The following ZSCAN4 variants were observed in gnomAD, a reference collection of about 807,000 sequenced individuals.
ZSCAN4 encodes zinc finger and SCAN domain containing 4.
In ZSCAN4, 18 loss-of-function variants were observed where a neutral mutation model predicts 18.3. The observed-to-expected ratio is 0.98, with a 90% CI of 0.68 to 1.46. The LOEUF (loss-of-function observed/expected upper bound fraction) is 1.46. Among genes scored for constraint, ZSCAN4 ranks in the 40% most tolerant of loss-of-function variants. The pLI is 0.00. For synonymous variants in ZSCAN4, 193 were observed against 180.3 expected (o/e 1.07, Z -0.57); for missense variants, 498 against 511.4 (o/e 0.97, Z 0.25).
exon 3 of ZSCAN4, chr19:57,676,375 A>G (rs1254662627): frequency 6.2e-7 from 1 of 1,614,228 alleles, no homozygotes; most frequent in Non-Finnish European, 8.5e-7. Flanking sequence ...CAACCAGAAA[A>G]GCACAGCAAG....
chr19:57,662,652 C>T, the ZSCAN4 span, among the ~76,000 whole-genome samples: 18 of 152,248 alleles, frequency 1.2e-4, 1 homozygote, highest in African/African-American at 4.3e-4. Context: ...GCCTCCTCCT[C>T]CTGGTTCAAG....
chr19:57,677,816 T>C, intron 3 of ZSCAN4, 98 bp from the exon 4 acceptor site: 1 of 1,152,766 alleles, frequency 8.7e-7, no homozygotes, highest in East Asian at 2.6e-5. Context: ...AGCCAATACT[T>C]GAGGGAGCTT....
Position 57,678,490 on chromosome 19 carries a change from C to T in ZSCAN4, c.887C>T (p.Ser296Phe), listed in dbSNP as rs557480976. ...ACCCACCAGAGCAATGAGGGAAATT[C>T]CACATGTGAGGTACATCAGAAAGGA... Residue 296 changes from serine to phenylalanine, a missense_variant, in exon 5 of 5, where the codon TCC becomes TTC. Transcript: ENST00000318203. 58 of 1,614,134 alleles carry T rather than the reference C, an allele frequency of 3.6e-5. 2 individuals are homozygous for T. In the South Asian group the frequency reaches 6.3e-4, roughly 17 times the overall value.
intron 3 of ZSCAN4, among the ~76,000 whole-genome samples, chr19:57,677,502 A>C (rs1348547070): frequency 6.6e-6 from 1 of 152,120 alleles, no homozygotes; most frequent in Non-Finnish European, 1.5e-5. Flanking sequence ...TAGTCTTCCT[A>C]AGTGCAGGAA....
chr19:57,662,521 T>C, the ZSCAN4 span, among the ~76,000 whole-genome samples: 1 of 152,174 alleles, frequency 6.6e-6, no homozygotes, highest in Non-Finnish European at 1.5e-5. Flanking sequence ...ATTGTAAAAA[T>C]ATACAAATAT....
chr19:57,678,268 T>C (rs768209309), exon 5 of ZSCAN4: 1 of 1,614,174 alleles, frequency 6.2e-7, no homozygotes, highest in South Asian at 1.1e-5. Flanking sequence ...CTAATCATCA[T>C]CCAGGAAGAG....
exon 3 of ZSCAN4, chr19:57,676,428 G>T: frequency 6.2e-7 from 1 of 1,614,200 alleles, no homozygotes; most frequent in Non-Finnish European, 8.5e-7. Flanking sequence ...GTTTATGATT[G>T]GTGGCCACTG....
intron 2 of ZSCAN4, among the ~76,000 whole-genome samples, chr19:57,671,161 C>T (rs549141852): frequency 3.8e-4 from 58 of 152,162 alleles, no homozygotes; most frequent in Non-Finnish European, 7.4e-4. Flanking sequence ...CTGTGCCCAG[C>T]TTAGTAATTC....
exon 5 of ZSCAN4, chr19:57,678,773 C>T (rs779378715): frequency 6.2e-7 from 1 of 1,614,172 alleles, no homozygotes; most frequent in East Asian, 2.2e-5. Flanking sequence ...AGAGAATCCA[C>T]ACAGGAGAAA....
the ZSCAN4 span, among the ~76,000 whole-genome samples, chr19:57,655,851 G>A: frequency 6.6e-6 from 1 of 151,926 alleles, no homozygotes; most frequent in Non-Finnish European, 1.5e-5. Context: ...ATGGTTCATT[G>A]ATGGGAGCTC....
chr19:57,659,572 T>G, the ZSCAN4 span, among the ~76,000 whole-genome samples: 3 of 152,168 alleles, frequency 2.0e-5, no homozygotes, highest in African/African-American at 7.2e-5. Context: ...CAATAAATAG[T>G]TTTTGAAACA....
At chr19:57,678,652 T>C (rs1984267560) in exon 5 of ZSCAN4, 1 of 1,614,050 alleles carries the variant, frequency 6.2e-7, no homozygotes, top group Non-Finnish European at 8.5e-7. Context: ...AAAGGCTTCT[T>C]CCAGATATCA....
the ZSCAN4 span, among the ~76,000 whole-genome samples, chr19:57,659,745 A>G: frequency 6.6e-5 from 10 of 152,202 alleles, no homozygotes; most frequent in Admixed American, 6.5e-4. Flanking sequence ...CAAAGCGGCC[A>G]GGAATCCAGC....
the ZSCAN4 span, among the ~76,000 whole-genome samples, chr19:57,655,015 A>G: frequency 6.6e-6 from 1 of 151,996 alleles, no homozygotes; most frequent in Non-Finnish European, 1.5e-5. Context: ...CAGCTTCTAA[A>G]CTTTCTCCAT....
chr19:57,678,615 A>C lies in ZSCAN4; in HGVS notation c.1012A>C (p.Arg338=), dbSNP rs780653968. ...TCACCAGAGAAGACACAGGAATGAG[A>C]GGCCATTTGTTTGTCCCGAGTGTCA... Residue 338 remains arginine (R), a synonymous_variant, in exon 5 of 5, where the codon AGG becomes CGG. Coordinates refer to ENST00000318203, the Ensembl canonical transcript of ZSCAN4. 3.1e-6 allele frequency: 5 copies of C among 1,613,946 alleles called. No individual in the cohort carries two copies. In the Admixed American group the frequency reaches 8.3e-5, roughly 27 times the overall value.
At chr19:57,662,885 T>TTTG in the ZSCAN4 span, among the ~76,000 whole-genome samples, 8 of 151,676 alleles carry the variant, frequency 5.3e-5, no homozygotes, top group East Asian at 1.9e-4. Context: ...CTTTGGGTTT[T>TTTG]TTGTTGTTGT....
the ZSCAN4 span, among the ~76,000 whole-genome samples, chr19:57,653,846 G>C: frequency 1.3e-5 from 2 of 152,106 alleles, no homozygotes; most frequent in African/African-American, 4.8e-5. Flanking sequence ...GTGGTATCAA[G>C]GGACACTGGA....
At chr19:57,672,662 G>T (rs1210923427) in intron 2 of ZSCAN4, among the ~76,000 whole-genome samples, 1 of 150,854 alleles carries the variant, frequency 6.6e-6, no homozygotes, top group Non-Finnish European at 1.5e-5. Flanking sequence ...GAGTACAGTG[G>T]CGTAATCTCA....
At chr19:57,668,863 TC>T (rs1005838886), upstream of ZSCAN4, 29 of 152,144 alleles carry the variant, frequency 1.9e-4, no homozygotes, top group African/African-American at 6.5e-4. Context: ...CTTCTCTGGG[TC>T]CCGGGCCCCC....
Sources: gnomAD v4.1 joint callset for allele counts (sites outside exome capture counted in the v4.1 genomes callset) on GRCh38, gnomAD v4.1.1 for gene constraint, MANE v1.5 for transcripts, NCBI Gene and HGNC (gene_info 2026-07-23, HGNC 2026-07-21) for gene names.